Variants in LAMA2 observed in about 807,000 individuals in gnomAD.
The protein encoded by LAMA2 is laminin subunit alpha-2.
Under a neutral mutation model 364.8 loss-of-function variants are expected in LAMA2, and 269 were observed. That is an observed-to-expected ratio of 0.74 (90% CI 0.67 to 0.82). The LOEUF (loss-of-function observed/expected upper bound fraction) is 0.82. Ranked by LOEUF, LAMA2 falls within the 40% of genes least tolerant of loss-of-function variation. The pLI is 0.00. For synonymous variants in LAMA2, 1,379 were observed against 1,370.6 expected (o/e 1.01, Z -0.14); for missense variants, 3,807 against 3,873.2 (o/e 0.98, Z 0.45).
At chr6:129,337,414 G>A (rs1562472880) in intron 29 of LAMA2, among the ~76,000 whole-genome samples, 1 of 152,144 alleles carries the variant, frequency 6.6e-6, no homozygotes, top group Non-Finnish European at 1.5e-5. Flanking sequence ...GATATTTGAG[G>A]ACCTTCCCTA....
In LAMA2 at chr6:129,308,436, CAT is replaced by C. The variant is rs1156569179; in HGVS notation, c.3175-4424_3175-4423del. The stretch of plus-strand genomic sequence containing the variant: ...ACTCTTGAAATTGAAGTTGATACCT[CAT>C]GTTCAAGATATAAATCAGGATAAAA... On this transcript the variant is annotated intron_variant, in intron 22 of 64. Transcript: ENST00000421865. Among the ~76,000 whole-genome samples, 5 of 152,276 alleles carry C rather than the reference CAT, an allele frequency of 3.3e-5. No individual in the cohort carries two copies. The East Asian group carries it at 9.7e-4, about 29-fold the overall frequency.
At chr6:129,445,632 T>C (rs750323474) in intron 44 of LAMA2, 35 bp from the exon 45 acceptor site, 3 of 1,593,248 alleles carry the variant, frequency 1.9e-6, no homozygotes, top group Non-Finnish European at 2.6e-6. Flanking sequence ...CGTGTGTGCA[T>C]GCATATACAT....
rs776065468 is a variant in LAMA2 at position 129,464,323 on chromosome 6, A to G, written c.7026A>G (p.Gln2342=). The change falls in exon 50 of 65, where the codon CAA becomes CAG. Residue 2342 remains glutamine (Q), a synonymous_variant. Transcript: ENST00000421865. The stretch of plus-strand genomic sequence containing the variant: ...TGGAAGATAGTGAGGGGACTATTCA[A>G]TTTGATGGAGAAGGTTATGCATTGG... ...PQVEDSEGTI[Q]FDGEGYALVS... 5.6e-5 allele frequency: 91 copies of G among 1,612,114 alleles called. No individual in the cohort carries two copies. Among genetic ancestry groups the G allele is most frequent in the Non-Finnish European group, 7.4e-5 (87 of 1,178,718 alleles).
intron 1 of LAMA2, among the ~76,000 whole-genome samples, chr6:128,951,171 A>G (rs931823491): frequency 6.6e-6 from 1 of 152,296 alleles, no homozygotes; most frequent in Admixed American, 6.5e-5. Context: ...TTAGGCAGAT[A>G]TGAATTTGAA....
At chr6:128,936,354 A>G (rs545170631) in intron 1 of LAMA2, among the ~76,000 whole-genome samples, 1 of 152,242 alleles carries the variant, frequency 6.6e-6, no homozygotes, top group Admixed American at 6.5e-5. Context: ...ACATTTTTCT[A>G]TACCTAATTT....
intron 42 of LAMA2, 96 bp downstream of exon 42, chr6:129,438,858 C>A (rs1781963311): frequency 2.6e-6 from 2 of 755,556 alleles, no homozygotes; most frequent in African/African-American, 1.7e-5. Flanking sequence ...TATTCTGGTA[C>A]TATTATCTGG....
intron 1 of LAMA2, among the ~76,000 whole-genome samples, chr6:128,956,839 C>T (rs1781182248): frequency 1.3e-5 from 2 of 151,748 alleles, no homozygotes; most frequent in Admixed American, 1.3e-4. Flanking sequence ...ACACCAAAAT[C>T]GAATGATGGT....
intron 12 of LAMA2, among the ~76,000 whole-genome samples, chr6:129,231,105 CT>C (rs1784644567): frequency 1.3e-5 from 2 of 151,994 alleles, no homozygotes; most frequent in Non-Finnish European, 2.9e-5. Flanking sequence ...ATTGCATTTC[CT>C]TCTTTTTTAG....
chr6:128,931,791 GT>G (rs1779497280), intron 1 of LAMA2, among the ~76,000 whole-genome samples: 1 of 152,060 alleles, frequency 6.6e-6, no homozygotes, highest in Admixed American at 6.5e-5. Context: ...TTTGACTTCA[GT>G]TTTTAAACAA....
At position 128,977,002 on chromosome 6, in the gene LAMA2, G is replaced by A. The variant is rs118015056; in HGVS notation, c.113-72916G>A. 8.4e-3 allele frequency among the ~76,000 whole-genome samples: 1,284 copies of A among 152,252 alleles called. 5 individuals are homozygous for A. Among genetic ancestry groups the A allele is most frequent in the Non-Finnish European group, 0.012 (837 of 68,014 alleles). On this transcript the variant is annotated intron_variant, in intron 1 of 64. Coordinates refer to ENST00000421865, the MANE Select transcript of LAMA2 (RefSeq NM_000426.4). ...ATCCACATTTGACCATATTTTCCTC[G>A]TTGGATGTGTTTATGGATATATTTT... is the stretch of plus-strand genomic sequence containing the variant.
chr6:129,394,437 A>T (rs1779495284), intron 37 of LAMA2, among the ~76,000 whole-genome samples: 1 of 152,170 alleles, frequency 6.6e-6, no homozygotes, highest in African/African-American at 2.4e-5. Flanking sequence ...TTTTTTTAAT[A>T]TATTTTATTT....
chr6:129,223,923 A>C (rs1470543627), intron 12 of LAMA2, among the ~76,000 whole-genome samples: 1 of 152,140 alleles, frequency 6.6e-6, no homozygotes, highest in South Asian at 2.1e-4. Flanking sequence ...TGAATCTATG[A>C]ATTACCTTGG....
At chr6:129,224,424 A>C (rs1481352466) in intron 12 of LAMA2, among the ~76,000 whole-genome samples, 1 of 152,130 alleles carries the variant, frequency 6.6e-6, no homozygotes, top group South Asian at 2.1e-4. Flanking sequence ...GTCTTGTGCC[A>C]GTTTTCAAAG....
At chr6:129,351,304 A>G (rs1001011442) in intron 31 of LAMA2, among the ~76,000 whole-genome samples, 9 of 152,232 alleles carry the variant, frequency 5.9e-5, no homozygotes, top group Admixed American at 5.2e-4. Flanking sequence ...GTGTTAAAGC[A>G]GAATGATTAC....
At chr6:129,266,348 CCT>C (rs1787513556) in intron 15 of LAMA2, among the ~76,000 whole-genome samples, 1 of 152,026 alleles carries the variant, frequency 6.6e-6, no homozygotes, top group Non-Finnish European at 1.5e-5. Context: ...ACTAAAATAC[CCT>C]GTTTTAATCA....
chr6:129,460,481 G>A (rs1322880778), intron 49 of LAMA2, among the ~76,000 whole-genome samples, 157 bp downstream of exon 49: 1 of 152,050 alleles, frequency 6.6e-6, no homozygotes, highest in Admixed American at 6.6e-5. Context: ...GAATCTTCAA[G>A]TCCCTGCCTG....
Position 129,370,100 on chromosome 6 carries a change from G to A in LAMA2, c.4959+110G>A, listed in dbSNP as rs564819627. The A allele has an allele frequency of 7.6e-5, 66 of 870,524 alleles. No individual in the cohort carries two copies. In the African/African-American group the frequency reaches 9.0e-4, roughly 12 times the overall value. The allele number at this position is 870,524 out of a possible 1,614,324, so 53.9% of individuals were successfully genotyped here. A position where few individuals can be genotyped will look rare whatever the true frequency, so the allele number is the denominator to read the frequency against. On this transcript the variant is annotated intron_variant, in intron 34 of 64. Coordinates refer to ENST00000421865, the MANE Select transcript of LAMA2 (RefSeq NM_000426.4). ...TCACCTTCTTCCTAATTCCCAATTT[G>A]GTATATAAAATAGATGTATTCTGAC...
chr6:129,131,267 CT>C (rs551242777), intron 4 of LAMA2, among the ~76,000 whole-genome samples: 425 of 152,304 alleles, frequency 2.8e-3, no homozygotes, highest in Admixed American at 5.6e-3. Flanking sequence ...ATGAAGTCCA[CT>C]TTAGACAAAT....
At chr6:129,220,254 CA>C (rs1783733994) in intron 12 of LAMA2, among the ~76,000 whole-genome samples, 1 of 152,004 alleles carries the variant, frequency 6.6e-6, no homozygotes, top group Non-Finnish European at 1.5e-5. Context: ...TATATTCCTT[CA>C]AAAAACATAT....
Sources: gnomAD v4.1 joint callset for allele counts (sites outside exome capture counted in the v4.1 genomes callset) on GRCh38, gnomAD v4.1.1 for gene constraint, MANE v1.5 for transcripts, NCBI Gene and HGNC (gene_info 2026-07-23, HGNC 2026-07-21) for gene names.